The following CPEB2 variants were observed in gnomAD, a reference collection of about 807,000 sequenced individuals.
CPEB2 encodes cytoplasmic polyadenylation element binding protein 2.
Under a neutral mutation model 93.6 loss-of-function variants are expected in CPEB2, and 56 were observed. The observed-to-expected ratio is 0.60, with a 90% CI of 0.48 to 0.75. The LOEUF is 0.75. Ranked by LOEUF, CPEB2 falls within the 30% of genes least tolerant of loss-of-function variation. The pLI is 0.00. For synonymous variants in CPEB2, 764 were observed against 586.3 expected (o/e 1.30, Z -4.38); for missense variants, 1,579 against 1,395.1 (o/e 1.13, Z -2.10).
chr4:15,036,003 T>G (rs1476916947), intron 5 of CPEB2, among the ~76,000 whole-genome samples: 1 of 152,234 alleles, frequency 6.6e-6, no homozygotes, highest in Non-Finnish European at 1.5e-5. Context: ...TTTATGATTC[T>G]ACCTTAATAG....
chr4:15,009,249 AT>A (rs1723182324), intron 3 of CPEB2, among the ~76,000 whole-genome samples: 1 of 152,218 alleles, frequency 6.6e-6, no homozygotes, highest in Non-Finnish European at 1.5e-5. Context: ...TCCTTGGTTA[AT>A]TTATCAACAT....
chr4:15,012,953 T>C (rs564146760), intron 3 of CPEB2, among the ~76,000 whole-genome samples: 9 of 152,122 alleles, frequency 5.9e-5, no homozygotes, highest in African/African-American at 2.2e-4. Context: ...AAAATTAATA[T>C]CTCTTCAAAA....
rs758190787 is a variant in CPEB2 at position 15,003,994 on chromosome 4, C to T, written c.1321C>T (p.Pro441Ser). 7 of 1,533,742 alleles carry T rather than the reference C, an allele frequency of 4.6e-6. No individual in the cohort carries two copies. The highest frequency in any genetic ancestry group is 1.8e-4 in the Middle Eastern group (1 of 5,520). The change falls in exon 1 of 12, where the codon CCC (proline) becomes TCC (serine). Residue 441 changes from proline to serine, a missense_variant. Physicochemically the swap from Pro to Ser is moderately conservative, Grantham distance 74 (BLOSUM62 -1). Around this residue, in one of 2 missense-constraint regions of CPEB2, gnomAD observed 1,411 missense variants for 1,056.0 expected, o/e 1.34. Coordinates refer to ENST00000538197, the MANE Select transcript of CPEB2 (RefSeq NM_001177382.2). ...SGGSLSAMPP[P>S]SPDSENGFYP... ...CGGCTCGCTCAGCGCCATGCCGCCG[C>T]CCAGCCCCGACTCAGAGAACGGCTT...
rs1334890807 is a variant in CPEB2 at position 15,066,289 on chromosome 4, A to T, written c.3014A>T (p.Asn1005Ile). ...TATTACTGTGAGTTTTGTTGGGCAAATATCCACTCTCGTGCTGGACGTGAG... is the reference window on the plus strand; with the variant it reads ...TATTACTGTGAGTTTTGTTGGGCAATTATCCACTCTCGTGCTGGACGTGAG... ...LQYYCEFCWA[N>I]IHSRAGREFH... Residue 1005 changes from asparagine (N) to isoleucine (I), a missense_variant, in exon 12 of 12, where the codon AAT (asparagine) becomes ATT (isoleucine). By Grantham distance (149) the Asn-to-Ile change is moderately radical. Transcript: ENST00000538197. The T allele has an allele frequency of 6.2e-7, 1 of 1,613,554 alleles. No individual in the cohort carries two copies.
rs1729807576 is a variant in CPEB2 at position 15,067,823 on chromosome 4, C to T, written c.*1443C>T. Reference sequence around the variant, plus strand: ...AAACTGGGGTCACTGTTGCATGGAACATTGTTCTTAATAGTTGAGAATTGC... The same window carrying T: ...AAACTGGGGTCACTGTTGCATGGAATATTGTTCTTAATAGTTGAGAATTGC... On this transcript the variant is annotated 3_prime_UTR_variant, in exon 12 of 12. Transcript: ENST00000538197. 1 of 152,320 alleles carries T rather than the reference C, an allele frequency of 6.6e-6. No homozygotes were observed. Among genetic ancestry groups the T allele is most frequent in the Non-Finnish European group, 1.5e-5 (1 of 67,914 alleles). The allele number at this position is 152,320 out of a possible 1,614,324, so 9.4% of individuals were successfully genotyped here. A position where few individuals can be genotyped will look rare whatever the true frequency, so the allele number is the denominator to read the frequency against.
At chr4:15,023,283 C>T (rs185996993) in intron 4 of CPEB2, among the ~76,000 whole-genome samples, 2 of 152,012 alleles carry the variant, frequency 1.3e-5, no homozygotes, top group Non-Finnish European at 2.9e-5. Flanking sequence ...AATAATTAGG[C>T]TTATGCATTT....
intron 3 of CPEB2, among the ~76,000 whole-genome samples, chr4:15,011,630 C>G (rs767907406): frequency 2.0e-5 from 3 of 151,946 alleles, no homozygotes; most frequent in African/African-American, 4.8e-5. Flanking sequence ...GACACCACCC[C>G]CTCTTCCCAA....
intron 5 of CPEB2, among the ~76,000 whole-genome samples, chr4:15,038,000 T>C (rs959158163): frequency 3.9e-5 from 6 of 152,200 alleles, no homozygotes; most frequent in Non-Finnish European, 8.8e-5. Context: ...CACCATTGTT[T>C]AGTGTGATGG....
At chr4:15,030,270 T>G (rs1725955396) in intron 4 of CPEB2, among the ~76,000 whole-genome samples, 1 of 152,132 alleles carries the variant, frequency 6.6e-6, no homozygotes, top group South Asian at 2.1e-4. Flanking sequence ...TATACCTTTA[T>G]GTTGTCAATA....
rs140391896 is a variant in CPEB2 at position 15,046,414 on chromosome 4, C to T, written c.2200+5927C>T. 9.5e-3 allele frequency among the ~76,000 whole-genome samples: 1,448 copies of T among 152,150 alleles called. 28 individuals are homozygous for T. The highest frequency in any genetic ancestry group is 0.033 in the African/African-American group (1,356 of 41,500). On this transcript the variant is annotated intron_variant, in intron 6 of 11. Transcript: ENST00000538197. The stretch of plus-strand genomic sequence containing the variant: ...CTAATTTTTATATTTTTAGTAGAGA[C>T]GGGGTTTCACGATGTTGGCCAGGCT...
At chr4:15,012,900 T>G (rs1577372258) in intron 3 of CPEB2, among the ~76,000 whole-genome samples, 1 of 152,166 alleles carries the variant, frequency 6.6e-6, no homozygotes, top group East Asian at 1.9e-4. Context: ...AATTGACCAC[T>G]TCTTTAAAAA....
intron 6 of CPEB2, among the ~76,000 whole-genome samples, chr4:15,040,711 G>A (rs932559114): frequency 8.5e-5 from 13 of 152,104 alleles, no homozygotes; most frequent in Non-Finnish European, 1.6e-4. Flanking sequence ...TTAAACTGCT[G>A]AGATTTAACT....
chr4:15,036,407 T>C (rs1726616699), intron 5 of CPEB2, among the ~76,000 whole-genome samples: 1 of 152,170 alleles, frequency 6.6e-6, no homozygotes, highest in Non-Finnish European at 1.5e-5. Flanking sequence ...GGAAGTCACA[T>C]TATATAGAAT....
At chr4:15,043,202 G>C (rs1343009984) in intron 6 of CPEB2, among the ~76,000 whole-genome samples, 1 of 152,132 alleles carries the variant, frequency 6.6e-6, no homozygotes. Context: ...ATGACTTTAT[G>C]TACTTGAATT....
rs1438687340 is a variant in CPEB2, at chr4:15,003,188, A to T, written c.515A>T (p.Gln172Leu). The change falls in exon 1 of 12, where the codon CAG becomes CTG. Residue 172 changes from glutamine (Q) to leucine (L), a missense_variant. Physicochemically the swap from Gln to Leu is moderately radical, Grantham distance 113. This residue lies in a region of CPEB2 where 1,411 missense variants were observed against 1,056.0 expected (regional missense o/e 1.34). Coordinates refer to ENST00000538197, the MANE Select transcript of CPEB2 (RefSeq NM_001177382.2). ...CAGGACTTCAGTAAGCGGCAGCAGC[A>T]GCAGCTGAGCAGCCAGAAGAGGAAA... ...SPQDFSKRQQ[Q>L]QLSSQKRKEF... 1 of 1,533,832 alleles carries T rather than the reference A, an allele frequency of 6.5e-7. No homozygotes were observed. The highest frequency in any genetic ancestry group is 2.0e-5 in the Admixed American group (1 of 50,866).
chr4:15,033,250 T>C, intron 5 of CPEB2, 39 bp downstream of exon 5: 1 of 1,269,522 alleles, frequency 7.9e-7, no homozygotes, highest in Non-Finnish European at 1.1e-6. Context: ...CCAGTTGATT[T>C]ATGTAAAGAT....
At chr4:15,042,043 A>G (rs1236621117) in intron 6 of CPEB2, among the ~76,000 whole-genome samples, 1 of 152,156 alleles carries the variant, frequency 6.6e-6, no homozygotes, top group Non-Finnish European at 1.5e-5. Context: ...TTTCAAATCT[A>G]TGGACTAGCT....
chr4:15,047,842 C>T (rs1271284579), intron 6 of CPEB2, among the ~76,000 whole-genome samples: 1 of 151,018 alleles, frequency 6.6e-6, no homozygotes, highest in African/African-American at 2.4e-5. Context: ...CAGACTTTCA[C>T]TCTTTTTTTT....
chr4:15,051,131 G>A (rs1026411380), intron 6 of CPEB2, among the ~76,000 whole-genome samples: 1 of 151,852 alleles, frequency 6.6e-6, no homozygotes, highest in Non-Finnish European at 1.5e-5. Context: ...CTATCTGCTT[G>A]TGACTGCCAT....
Sources: allele counts gnomAD v4.1 joint callset (sites outside exome capture counted in the v4.1 genomes callset), GRCh38; gene constraint gnomAD v4.1.1; regional missense constraint gnomAD v4.1.1; transcripts MANE v1.5; gene names NCBI Gene and HGNC (gene_info 2026-07-23, HGNC 2026-07-21).